The following CYFIP2 variants were observed in gnomAD, a reference collection of about 807,000 sequenced individuals.
CYFIP2 encodes the protein cytoplasmic FMR1-interacting protein 2.
A neutral mutation model predicts 158.7 loss-of-function variants in CYFIP2; 29 were observed. The ratio of observed to expected loss-of-function variants is 0.18; its 90% CI spans 0.14 to 0.25. The LOEUF (loss-of-function observed/expected upper bound fraction) is 0.25. Ranked by LOEUF, CYFIP2 falls within the 10% of genes least tolerant of loss-of-function variation. The pLI, the probability that CYFIP2 is intolerant of heterozygous loss-of-function variation, is 1.00. For missense variants in CYFIP2, 852 were observed against 1,639.5 expected (o/e 0.52, Z 8.29); for synonymous variants, 585 against 617.6 (o/e 0.95, Z 0.78).
intron 15 of CYFIP2, among the ~76,000 whole-genome samples, chr5:157,323,491 G>A (rs1760771667): frequency 6.6e-6 from 1 of 152,182 alleles, no homozygotes; most frequent in South Asian, 2.1e-4. Context: ...CCAGAGTGGG[G>A]GCTTTGTTGC....
chr5:157,373,326 G>A (rs547542381), intron 26 of CYFIP2, among the ~76,000 whole-genome samples: 3 of 152,194 alleles, frequency 2.0e-5, no homozygotes, highest in Non-Finnish European at 2.9e-5. Context: ...TCTACCTTAA[G>A]GCTTGTTGAC....
chr5:157,270,038 G>C lies in CYFIP2; in HGVS notation c.-24+3843G>C, dbSNP rs148335546. Among the ~76,000 whole-genome samples the C allele has an allele frequency of 8.5e-4, 129 of 152,328 alleles. 1 individual carries two copies. Among genetic ancestry groups the C allele is most frequent in the African/African-American group, 2.9e-3 (119 of 41,572 alleles). On this transcript the variant is annotated intron_variant, in intron 1 of 30. Transcript: ENST00000620254. ...TTGAGAAGGCAGAGCTTGAGTTCAG[G>C]CAGAATTTCTTGCAGGGATCATTCT...
chr5:157,356,929 A>G (rs549921829), intron 23 of CYFIP2, among the ~76,000 whole-genome samples: 1 of 152,166 alleles, frequency 6.6e-6, no homozygotes, highest in Non-Finnish European at 1.5e-5. Context: ...TTTGCTGAAC[A>G]TCAGCTTCAG....
At chr5:157,294,740 A>C in intron 3 of CYFIP2, 43 bp from the exon 4 acceptor site, 1 of 1,577,986 alleles carries the variant, frequency 6.3e-7, no homozygotes, top group Non-Finnish European at 8.7e-7. Flanking sequence ...GCCTGGTGGC[A>C]CCCGTCTTGT....
At chr5:157,275,429 C>G (rs1057355405) in intron 1 of CYFIP2, among the ~76,000 whole-genome samples, 4 of 152,208 alleles carry the variant, frequency 2.6e-5, no homozygotes, top group African/African-American at 9.7e-5. Flanking sequence ...TTCTACATCT[C>G]TTGTCAATTG....
intron 24 of CYFIP2, 135 bp downstream of exon 24, chr5:157,359,283 G>T: frequency 1.1e-6 from 1 of 907,656 alleles, no homozygotes. Context: ...ACCACTCAAG[G>T]AGTTCCCTTG....
chr5:157,334,984 G>A (rs1761747844), intron 21 of CYFIP2, among the ~76,000 whole-genome samples: 1 of 152,230 alleles, frequency 6.6e-6, no homozygotes, highest in East Asian at 1.9e-4. Context: ...GATATGCAGG[G>A]TATGCTGTTT....
At position 157,326,162 on chromosome 5, in the gene CYFIP2, C is replaced by T; in HGVS notation, c.1983-9C>T. 1 of 1,608,558 alleles carries T rather than the reference C, an allele frequency of 6.2e-7. No individual in the cohort carries two copies. Among genetic ancestry groups the T allele is most frequent in the South Asian group, 1.1e-5 (1 of 90,628 alleles). On this transcript the variant is annotated splice_polypyrimidine_tract_variant and intron_variant, in intron 17 of 30. Transcript: ENST00000620254. Reference sequence around the variant, plus strand: ...TAGCAAGCGGCTGGCTGTGTTTTTCCCTCTTCAGGTATGTCCTCTACCCTC... The same window carrying T: ...TAGCAAGCGGCTGGCTGTGTTTTTCTCTCTTCAGGTATGTCCTCTACCCTC...
intron 26 of CYFIP2, among the ~76,000 whole-genome samples, chr5:157,369,879 G>GTTTTGTTTT (rs534240919): frequency 0.049 from 5,011 of 102,776 alleles, 178 homozygotes; most frequent in Middle Eastern, 0.079. Context: ...AATGGACCTA[G>GTTTTGTTTT]TTTTTTTTTT....
intron 26 of CYFIP2, among the ~76,000 whole-genome samples, chr5:157,379,122 T>C (rs1302543485): frequency 6.6e-6 from 1 of 152,214 alleles, no homozygotes; most frequent in Non-Finnish European, 1.5e-5. Flanking sequence ...TTAGCAACTT[T>C]AGACAATACT....
intron 8 of CYFIP2, among the ~76,000 whole-genome samples, chr5:157,307,443 G>A (rs1461799877): frequency 6.6e-6 from 1 of 152,188 alleles, no homozygotes; most frequent in Non-Finnish European, 1.5e-5. Context: ...ATAGAATAAG[G>A]TTATTGCAGA....
intron 29 of CYFIP2, among the ~76,000 whole-genome samples, chr5:157,390,144 G>A (rs908400582): frequency 5.9e-5 from 9 of 152,180 alleles, no homozygotes; most frequent in African/African-American, 1.9e-4. Flanking sequence ...TCACCTGCTA[G>A]GTGTTCTTTT....
chr5:157,339,254 C>T lies in CYFIP2; in HGVS notation c.2583C>T (p.Asn861=). The part of the protein sequence containing the change: ...LPNYCYNGST[N]RFVRTAIPFT... ...ACTACTGCTACAATGGGTCCACTAA[C>T]CGGTAAGGGAGTCCCTGTGCAGAGG... Residue 861 remains asparagine, a splice_region_variant and synonymous_variant, in exon 22 of 31, where the codon AAC becomes AAT. Transcript: ENST00000620254. The T allele has an allele frequency of 1.2e-6, 2 of 1,613,682 alleles. No homozygotes were observed. Among genetic ancestry groups the T allele is most frequent in the Non-Finnish European group, 1.7e-6 (2 of 1,179,708 alleles).
intron 21 of CYFIP2, 129 bp downstream of exon 21, chr5:157,333,575 G>T: frequency 3.8e-6 from 5 of 1,323,638 alleles, no homozygotes; most frequent in Non-Finnish European, 4.2e-6. Flanking sequence ...CCATCTGAAT[G>T]GAGCTGGGAA....
chr5:157,305,762 G>T (rs1000145650), intron 8 of CYFIP2, among the ~76,000 whole-genome samples: 8 of 152,188 alleles, frequency 5.3e-5, no homozygotes, highest in South Asian at 2.1e-4. Flanking sequence ...CAATCTGCCC[G>T]CCTCGGCCTC....
Position 157,343,537 on chromosome 5 carries a change from C to A in CYFIP2, c.2673+2380C>A, listed in dbSNP as rs764182844. On this transcript the variant is annotated intron_variant, in intron 23 of 30. Transcript: ENST00000620254. The stretch of plus-strand genomic sequence containing the variant: ...AAATGTTCCCCACCTCGATGTTCAT[C>A]CCGATTCTGGAACCAGAATCAAAGT... The A allele has an allele frequency of 2.6e-6, 4 of 1,546,232 alleles. No homozygotes were observed. In the South Asian group the frequency reaches 4.9e-5, roughly 19 times the overall value.
intron 20 of CYFIP2, 54 bp from the exon 21 acceptor site, chr5:157,333,273 T>C (rs1435505868): frequency 1.9e-6 from 3 of 1,609,782 alleles, no homozygotes; most frequent in Non-Finnish European, 2.5e-6. Flanking sequence ...CATGAGCCAC[T>C]GCACCTGGCC....
intron 26 of CYFIP2, among the ~76,000 whole-genome samples, chr5:157,374,482 C>G (rs1013482674): frequency 3.9e-5 from 6 of 152,070 alleles, no homozygotes; most frequent in Non-Finnish European, 7.4e-5. Flanking sequence ...CCCCATACCC[C>G]CAAAATAAGC....
rs866695652 is a variant in CYFIP2, at chr5:157,369,372, G to C, written c.3039+7774G>C. Among the ~76,000 whole-genome samples, 27 of 152,234 alleles carry C rather than the reference G, an allele frequency of 1.8e-4. No individual in the cohort carries two copies. The South Asian group carries it at 5.2e-3, about 29-fold the overall frequency. Reference sequence around the variant, plus strand: ...TGAAAAATGGCATAAAACAAGAACTGATCCATAGAAACAGGAGACAGAAGT... The same window carrying C: ...TGAAAAATGGCATAAAACAAGAACTCATCCATAGAAACAGGAGACAGAAGT... On this transcript the variant is annotated intron_variant, in intron 26 of 30. Coordinates refer to ENST00000620254, the MANE Select transcript of CYFIP2 (RefSeq NM_001037333.3).
Sources: allele counts gnomAD v4.1 joint callset (sites outside exome capture counted in the v4.1 genomes callset), GRCh38; gene constraint gnomAD v4.1.1; transcripts MANE v1.5; gene names NCBI Gene and HGNC (gene_info 2026-07-23, HGNC 2026-07-21).